FER: variants seen among roughly 807,000 people sequenced by gnomAD.
The protein encoded by FER is FER tyrosine kinase, also known as tyrosine-protein kinase Fer.
Under a neutral mutation model 111.0 loss-of-function variants are expected in FER, and 63 were observed. That is an observed-to-expected ratio of 0.57 (90% CI 0.46 to 0.70). The LOEUF (loss-of-function observed/expected upper bound fraction) is 0.70, where lower values mean the gene tolerates loss of function less well. Among genes scored for constraint, FER ranks in the 30% least tolerant of loss-of-function variants. The probability of loss-of-function intolerance (pLI) is 0.00; values close to 1 mark genes in which losing one functional copy is unlikely to be tolerated. For missense variants in FER, 914 were observed against 954.0 expected (o/e 0.96, Z 0.55); for synonymous variants, 327 against 313.9 (o/e 1.04, Z -0.44).
chr5:109,172,119 C>A (rs574063442), intron 17 of FER, among the ~76,000 whole-genome samples: 1,580 of 152,158 alleles, frequency 0.01, 20 homozygotes, highest in African/African-American at 0.036. Flanking sequence ...TTTGACCCAG[C>A]CATCCCATTA....
At chr5:108,940,143 GTTAAA>G (rs1385584190) in intron 10 of FER, among the ~76,000 whole-genome samples, 2 of 151,992 alleles carry the variant, frequency 1.3e-5, no homozygotes, top group Non-Finnish European at 2.9e-5. Flanking sequence ...CCTTTAACCT[GTTAAA>G]TTATTTTCTG....
intron 8 of FER, among the ~76,000 whole-genome samples, chr5:108,878,051 G>A (rs780282631): frequency 4.0e-5 from 6 of 151,894 alleles, no homozygotes; most frequent in Non-Finnish European, 5.9e-5. Flanking sequence ...AACTACGGGT[G>A]TGCACCACCA....
chr5:109,156,787 C>T (rs1755444039), intron 17 of FER, among the ~76,000 whole-genome samples: 1 of 151,790 alleles, frequency 6.6e-6, no homozygotes, highest in Non-Finnish European at 1.5e-5. Context: ...AAAAGAAGGC[C>T]CTGAGTATGC....
chr5:109,068,965 G>A (rs552707040), intron 16 of FER, among the ~76,000 whole-genome samples: 8 of 152,150 alleles, frequency 5.3e-5, no homozygotes, highest in African/African-American at 1.7e-4. Flanking sequence ...AGTAGTAGTC[G>A]CCCATTTTGG....
At chr5:108,787,165 G>T (rs1157370996) in intron 2 of FER, among the ~76,000 whole-genome samples, 1 of 152,202 alleles carries the variant, frequency 6.6e-6, no homozygotes, top group Non-Finnish European at 1.5e-5. Context: ...GCCTCTCCCT[G>T]CTTCTGGCGC....
intron 10 of FER, among the ~76,000 whole-genome samples, chr5:108,938,632 G>A (rs866317829): frequency 5.9e-4 from 89 of 152,060 alleles, no homozygotes; most frequent in African/African-American, 2.1e-3. Context: ...ATGTAGCATG[G>A]CATCTAAGTT....
Position 109,114,160 on chromosome 5 carries a change from G to C in FER, c.2048+13641G>C, listed in dbSNP as rs527788642. Among the ~76,000 whole-genome samples, 3 of 152,166 alleles carry C rather than the reference G, an allele frequency of 2.0e-5. No individual in the cohort carries two copies. The East Asian group carries it at 5.8e-4, about 29-fold the overall frequency. On this transcript the variant is annotated intron_variant, in intron 17 of 19. Coordinates refer to ENST00000281092, the MANE Select transcript of FER (RefSeq NM_005246.4). ...CACTGTACTAATCCCTCACTCTAATGTAAAAGGACTTGATTAATTTCATTT... is the reference window on the plus strand; with the variant it reads ...CACTGTACTAATCCCTCACTCTAATCTAAAAGGACTTGATTAATTTCATTT...
intron 17 of FER, among the ~76,000 whole-genome samples, chr5:109,164,056 G>A (rs182939996): frequency 4.3e-4 from 66 of 152,258 alleles, no homozygotes; most frequent in Non-Finnish European, 8.1e-4. Context: ...ACCTAAACCA[G>A]TTAACATTTA....
intron 8 of FER, among the ~76,000 whole-genome samples, chr5:108,881,302 G>A (rs1168410809): frequency 6.6e-6 from 1 of 152,126 alleles, no homozygotes; most frequent in East Asian, 1.9e-4. Context: ...ATGGTAGAAG[G>A]CAAGGAGGAG....
intron 17 of FER, chr5:109,177,475 G>A (rs536445161): frequency 1.3e-5 from 2 of 151,854 alleles, no homozygotes; most frequent in Admixed American, 6.6e-5. Flanking sequence ...GCATTGCAAA[G>A]GAGAACTCTG....
At chr5:109,185,157 AC>A (rs1369263023) in intron 18 of FER, among the ~76,000 whole-genome samples, 138 of 152,240 alleles carry the variant, frequency 9.1e-4, no homozygotes, top group African/African-American at 3.2e-3. Flanking sequence ...CCAGAAGACA[AC>A]CTTGTGCTGG....
chr5:108,909,108 G>C (rs1398791536), intron 10 of FER, among the ~76,000 whole-genome samples: 13 of 152,162 alleles, frequency 8.5e-5, no homozygotes, highest in Admixed American at 8.5e-4. Flanking sequence ...GACAATGTAT[G>C]TAGTGAAGGA....
intron 2 of FER, among the ~76,000 whole-genome samples, chr5:108,795,781 G>A (rs930591222): frequency 1.3e-5 from 2 of 151,996 alleles, no homozygotes; most frequent in African/African-American, 4.8e-5. Flanking sequence ...CTGTTATCTT[G>A]AATTTCTTTG....
intron 16 of FER, among the ~76,000 whole-genome samples, chr5:109,082,725 TAC>T (rs1777132556): frequency 1.3e-5 from 2 of 152,060 alleles, no homozygotes; most frequent in African/African-American, 2.4e-5. Flanking sequence ...TAATTCCATG[TAC>T]TGTACTATTA....
intron 16 of FER, among the ~76,000 whole-genome samples, chr5:109,082,231 C>T (rs1279669841): frequency 6.6e-6 from 1 of 151,972 alleles, no homozygotes; most frequent in African/African-American, 2.4e-5. Flanking sequence ...TCACAGGAGA[C>T]ATTTTGTGAG....
At chr5:109,029,300 GGTTA>G (rs1482339110) in intron 13 of FER, among the ~76,000 whole-genome samples, 1 of 147,544 alleles carries the variant, frequency 6.8e-6, no homozygotes, top group Non-Finnish European at 1.5e-5. Context: ...ACAATGTGCA[GGTTA>G]GTTACATATG....
intron 17 of FER, among the ~76,000 whole-genome samples, chr5:109,105,713 C>T (rs1369827681): frequency 1.3e-5 from 2 of 152,238 alleles, no homozygotes; most frequent in African/African-American, 4.8e-5. Flanking sequence ...AATTCCAGTG[C>T]CAGTGTTTTG....
At chr5:108,829,095 T>G (rs1350117626) in intron 3 of FER, among the ~76,000 whole-genome samples, 1 of 152,234 alleles carries the variant, frequency 6.6e-6, no homozygotes, top group East Asian at 1.9e-4. Context: ...TTTTGTTTGT[T>G]TCTTTGTTAA....
At chr5:109,026,223 C>T (rs1173123795) in intron 13 of FER, among the ~76,000 whole-genome samples, 1 of 152,036 alleles carries the variant, frequency 6.6e-6, no homozygotes, top group Non-Finnish European at 1.5e-5. Flanking sequence ...TATACACATA[C>T]AAGAACTATT....
Sources: gnomAD v4.1 joint callset for allele counts (sites outside exome capture counted in the v4.1 genomes callset) on GRCh38, gnomAD v4.1.1 for gene constraint, MANE v1.5 for transcripts, NCBI Gene and HGNC (gene_info 2026-07-23, HGNC 2026-07-21) for gene names.